RHOH: variants seen among roughly 807,000 people sequenced by gnomAD.
The protein encoded by RHOH is rho-related GTP-binding protein RhoH.
In RHOH, 6 loss-of-function variants were observed where a neutral mutation model predicts 13.8. The ratio of observed to expected loss-of-function variants is 0.44; its 90% CI spans 0.24 to 0.86. The LOEUF is 0.86. Ranked by LOEUF, RHOH falls within the 40% of genes least tolerant of loss-of-function variation. The pLI is 0.24. For synonymous variants in RHOH, 117 were observed against 103.0 expected (o/e 1.14, Z -0.82); for missense variants, 147 against 244.5 (o/e 0.60, Z 2.66).
chr4:40,236,544 A>C (rs1184555888), intron 1 of RHOH, among the ~76,000 whole-genome samples: 1 of 152,122 alleles, frequency 6.6e-6, no homozygotes, highest in Non-Finnish European at 1.5e-5. Context: ...TAATCCCAGC[A>C]CTTTGGGAAG....
upstream of RHOH, among the ~76,000 whole-genome samples, chr4:40,194,466 C>T (rs1472014860): frequency 1.3e-5 from 2 of 152,094 alleles, no homozygotes; most frequent in Non-Finnish European, 2.9e-5. Context: ...TGACCTCAAG[C>T]GATCTGCCCT....
intron 1 of RHOH, among the ~76,000 whole-genome samples, chr4:40,224,001 AC>A (rs1252557320): frequency 6.6e-6 from 1 of 151,882 alleles, no homozygotes; most frequent in Non-Finnish European, 1.5e-5. Flanking sequence ...TGAACTCTCG[AC>A]CTCAGGTGAT....
At chr4:40,223,177 C>T (rs931972043) in intron 1 of RHOH, among the ~76,000 whole-genome samples, 1 of 152,204 alleles carries the variant, frequency 6.6e-6, no homozygotes, top group South Asian at 2.1e-4. Flanking sequence ...GAAATGGCAA[C>T]AAAAGATTTA....
At chr4:40,195,415 TTCCC>T (rs1214682535), upstream of RHOH, among the ~76,000 whole-genome samples, 1 of 128,050 alleles carries the variant, frequency 7.8e-6, no homozygotes, top group East Asian at 2.3e-4. Flanking sequence ...CCTTCCTTCC[TTCCC>T]TCCCCTTCTC....
intron 1 of RHOH, chr4:40,235,208 G>A (rs971006067): frequency 1.3e-5 from 2 of 152,178 alleles, no homozygotes; most frequent in East Asian, 1.9e-4. Context: ...TGAACACCAC[G>A]TGGGTATACA....
At chr4:40,221,558 A>G (rs1726587493) in intron 1 of RHOH, among the ~76,000 whole-genome samples, 1 of 152,240 alleles carries the variant, frequency 6.6e-6, no homozygotes, top group African/African-American at 2.4e-5. Flanking sequence ...TACTGTTGCA[A>G]TTGTTTTGGG....
chr4:40,223,771 T>G (rs1726885543), intron 1 of RHOH, among the ~76,000 whole-genome samples: 1 of 128,716 alleles, frequency 7.8e-6, no homozygotes, highest in African/African-American at 2.9e-5. Context: ...TAACTTGTTT[T>G]TTTTTTTTTT....
At chr4:40,198,043 T>G (rs1049419376) in intron 1 of RHOH, among the ~76,000 whole-genome samples, 4 of 152,224 alleles carry the variant, frequency 2.6e-5, no homozygotes, top group African/African-American at 9.7e-5. Flanking sequence ...AGAAATATTT[T>G]AAAAATCTCT....
At chr4:40,236,285 C>A (rs1003592659) in intron 1 of RHOH, among the ~76,000 whole-genome samples, 2 of 152,162 alleles carry the variant, frequency 1.3e-5, no homozygotes, top group African/African-American at 4.8e-5. Context: ...TTCCTCAGAA[C>A]CTGTTACAGT....
chr4:40,229,723 G>A (rs1425786879), intron 1 of RHOH, among the ~76,000 whole-genome samples: 1 of 151,642 alleles, frequency 6.6e-6, no homozygotes, highest in Non-Finnish European at 1.5e-5. Flanking sequence ...ACACCAAAGA[G>A]GAGAGAATAG....
intron 1 of RHOH, among the ~76,000 whole-genome samples, chr4:40,232,669 T>C (rs1490320540): frequency 1.3e-5 from 2 of 152,162 alleles, no homozygotes; most frequent in African/African-American, 2.4e-5. Flanking sequence ...GAAGGCAACC[T>C]TGGATTGTAT....
rs116861287 is a variant in RHOH at position 40,241,747 on chromosome 4, C to T, written c.-330-967C>T. On this transcript the variant is annotated intron_variant, in intron 1 of 2. Coordinates refer to ENST00000381799, the MANE Select transcript of RHOH (RefSeq NM_004310.5). ...CTACAAAAAAAGCAATAAATTAGCC[C>T]GGTGTGGTGGCACACACATGTAGTC... 9.1e-3 allele frequency among the ~76,000 whole-genome samples: 1,383 copies of T among 151,906 alleles called. 45 individuals carry two copies. Among genetic ancestry groups the T allele is most frequent in the East Asian group, 0.067 (344 of 5,152 alleles).
At chr4:40,192,442 C>G (rs1278023014), upstream of RHOH, among the ~76,000 whole-genome samples, 1 of 152,184 alleles carries the variant, frequency 6.6e-6, no homozygotes, top group South Asian at 2.1e-4. Flanking sequence ...TGACTCAAGT[C>G]TCAAGGTTTC....
In RHOH at chr4:40,243,425, T is replaced by C; in HGVS notation, c.39T>C (p.Ser13=). 3.7e-6 allele frequency: 6 copies of C among 1,609,420 alleles called. No individual in the cohort carries two copies. Among genetic ancestry groups the C allele is most frequent in the Non-Finnish European group, 5.1e-6 (6 of 1,177,300 alleles). Residue 13 remains serine (S), a synonymous_variant, in exon 3 of 3, where the codon TCT becomes TCC. Transcript: ENST00000381799. The surrounding 1 kb of genome is among the most constrained non-coding windows in gnomAD (Gnocchi z 6.2). ...TCAAGTGCGTGTTGGTGGGCGACTC[T>C]GCTGTGGGGAAAACCTCTCTGTTGG... The part of the protein sequence containing the change: ...SSIKCVLVGD[S]AVGKTSLLVR...
At chr4:40,237,359 G>A (rs1374830337) in intron 1 of RHOH, among the ~76,000 whole-genome samples, 1 of 152,142 alleles carries the variant, frequency 6.6e-6, no homozygotes, top group Admixed American at 6.5e-5. Flanking sequence ...GGAGACTGAG[G>A]CAGGAGAATC....
At chr4:40,201,369 A>G (rs1308059968) in intron 1 of RHOH, among the ~76,000 whole-genome samples, 1 of 151,940 alleles carries the variant, frequency 6.6e-6, no homozygotes, top group Non-Finnish European at 1.5e-5. Flanking sequence ...TTTCAATGAA[A>G]AAAAAAAAAA....
At chr4:40,199,111 A>C (rs73229767) in intron 1 of RHOH, among the ~76,000 whole-genome samples, 4,082 of 152,316 alleles carry the variant, frequency 0.027, 72 homozygotes, top group Non-Finnish European at 0.044. Flanking sequence ...GATTAAAAAA[A>C]AAATTCACAA....
At chr4:40,229,098 G>A (rs764697173) in intron 1 of RHOH, among the ~76,000 whole-genome samples, 5 of 152,140 alleles carry the variant, frequency 3.3e-5, no homozygotes, top group African/African-American at 4.8e-5. Flanking sequence ...TGCAGGTAGA[G>A]TCTGTATTGA....
chr4:40,212,720 T>C (rs1296653753), intron 1 of RHOH: 1 of 152,230 alleles, frequency 6.6e-6, no homozygotes, highest in African/African-American at 2.4e-5. Flanking sequence ...GCTCCAAGGA[T>C]GGAAGATATA....
Sources: gnomAD v4.1 joint callset for allele counts (sites outside exome capture counted in the v4.1 genomes callset) on GRCh38, gnomAD v4.1.1 for gene constraint, Gnocchi (gnomAD v3.1) non-coding constraint, MANE v1.5 for transcripts, NCBI Gene and HGNC (gene_info 2026-07-23, HGNC 2026-07-21) for gene names.